BCL11B: variants seen among roughly 807,000 people sequenced by gnomAD.
BCL11B encodes the protein B-cell lymphoma/leukemia 11B.
A neutral mutation model predicts 49.9 loss-of-function variants in BCL11B; 8 were observed. That is an observed-to-expected ratio of 0.16 (90% confidence interval 0.09 to 0.29). The LOEUF (loss-of-function observed/expected upper bound fraction) is 0.29, where lower values mean the gene tolerates loss of function less well. Among genes scored for constraint, BCL11B ranks in the 10% least tolerant of loss-of-function variants. BCL11B has a pLI of 1.00. For missense variants in BCL11B, 1,006 were observed against 1,351.0 expected (o/e 0.74, Z 4.00); for synonymous variants, 739 against 637.4 (o/e 1.16, Z -2.40).
At chr14:99,261,593 T>A (rs1204023979) in intron 1 of BCL11B, among the ~76,000 whole-genome samples, 1 of 152,150 alleles carries the variant, frequency 6.6e-6, no homozygotes, top group African/African-American at 2.4e-5. Context: ...CATGCAGCCT[T>A]GTCCAGCAAA....
chr14:99,241,048 CAG>C lies in BCL11B; in HGVS notation c.428-9493_428-9492del, dbSNP rs1396090126. ...TTTTTTTCCTCAGCTGTCTTTGAAACAGAGCTGATGTGCTGGACCTCAGACAG... is the reference window on the plus strand; with the variant it reads ...TTTTTTTCCTCAGCTGTCTTTGAAACAGCTGATGTGCTGGACCTCAGACAG... On this transcript the variant is annotated intron_variant, in intron 2 of 3. Transcript: ENST00000357195. This position sits in a 1 kb window ranked among gnomAD's most constrained non-coding sequence, Gnocchi z 4.4. 1.3e-5 allele frequency among the ~76,000 whole-genome samples: 2 copies of C among 151,842 alleles called. No homozygotes were observed. The highest frequency in any genetic ancestry group is 2.9e-5 in the Non-Finnish European group (2 of 67,988).
Position 99,231,653 on chromosome 14 carries a change from A to G in BCL11B, c.428-96T>C, listed in dbSNP as rs536975439. ...GGGCTCGGGGCGTGGGGCTCTGCTC[A>G]GGCCACCCTTCGGGGGTGGGAGGCC... On this transcript the variant is annotated intron_variant, in intron 2 of 3. Transcript: ENST00000357195. The surrounding 1 kb of genome is among the most constrained non-coding windows in gnomAD (Gnocchi z 8.1). The G allele has an allele frequency of 0.014, 18,984 of 1,311,806 alleles. 280 individuals are homozygous for G. The highest frequency in any genetic ancestry group is 0.049 in the South Asian group (3,791 of 77,106). 81.3% of individuals were successfully genotyped at this position (1,311,806 alleles called of 1,614,324 possible).
chr14:99,175,247 G>T lies in BCL11B; in HGVS notation c.1589C>A (p.Pro530Gln). The change falls in exon 4 of 4, where the codon CCG (proline) becomes CAG (glutamine). Residue 530 changes from proline (P) to glutamine (Q), a missense_variant. Pro to Gln is a moderately conservative substitution (Grantham distance 76). Transcript: ENST00000357195. ...CTCCTCCTCCTCGTCCTCCTCCTCCGGCTCGTGGCCCAGCGACGGGTCGCT... is the reference window on the plus strand; with the variant it reads ...CTCCTCCTCCTCGTCCTCCTCCTCCTGCTCGTGGCCCAGCGACGGGTCGCT... ...HESDPSLGHEPEEEDEEEEEE... is the reference protein window; with the variant it reads ...HESDPSLGHEQEEEDEEEEEE... 1 of 1,545,952 alleles carries T rather than the reference G, an allele frequency of 6.5e-7. No homozygotes were observed.
intron 1 of BCL11B, among the ~76,000 whole-genome samples, chr14:99,260,615 A>C (rs369782246): frequency 6.6e-6 from 1 of 151,882 alleles, no homozygotes. Context: ...TTTTGCCAAG[A>C]CTATGTACCA....
At chr14:99,229,003 A>AATGGATGG (rs546394639) in intron 3 of BCL11B, among the ~76,000 whole-genome samples, 8,567 of 107,036 alleles carry the variant, frequency 0.08, 787 homozygotes, top group East Asian at 0.24. Context: ...TACATGGATG[A>AATGGATGG]ATGGATGGAT....
rs561642079 is a variant in BCL11B, at chr14:99,195,915, G to A, written c.641-19720C>T. Among the ~76,000 whole-genome samples, 8 of 152,202 alleles carry A rather than the reference G, an allele frequency of 5.3e-5. No individual in the cohort carries two copies. The highest frequency in any genetic ancestry group is 3.4e-3 in the Middle Eastern group (1 of 294). On this transcript the variant is annotated intron_variant, in intron 3 of 3. Coordinates refer to ENST00000357195, the MANE Select transcript of BCL11B (RefSeq NM_138576.4). The surrounding 1 kb of genome is among the most constrained non-coding windows in gnomAD (Gnocchi z 4.7). The stretch of plus-strand genomic sequence containing the variant: ...CTGCACCCGCCCCTTGTGTCTGCGC[G>A]GCACAGTGAGAACTGACATTTCTTC...
rs1366976852 is a variant in BCL11B, at chr14:99,184,599, G to A, written c.641-8404C>T. On this transcript the variant is annotated intron_variant, in intron 3 of 3. Transcript: ENST00000357195. The surrounding 1 kb of genome is among the most constrained non-coding windows in gnomAD (Gnocchi z 6.1). ...CCGGGTCCGTCTGACCCCAGAGCGT[G>A]TGCTGGGGTCCAGACTCACAACTGG... is the stretch of plus-strand genomic sequence containing the variant. 6.9e-6 allele frequency among the ~76,000 whole-genome samples: 1 copy of A among 145,656 alleles called. No individual in the cohort carries two copies. Among genetic ancestry groups the A allele is most frequent in the African/African-American group, 2.7e-5 (1 of 36,838 alleles).
At chr14:99,235,597 AG>A in intron 2 of BCL11B, among the ~76,000 whole-genome samples, 1 of 152,218 alleles carries the variant, frequency 6.6e-6, no homozygotes, top group East Asian at 1.9e-4. Context: ...TTCATCTCTG[AG>A]GCTCAAGTTT....
chr14:99,227,127 C>T (rs1595264067), intron 3 of BCL11B, among the ~76,000 whole-genome samples: 1 of 152,284 alleles, frequency 6.6e-6, no homozygotes, highest in East Asian at 1.9e-4. Context: ...AGTTCCTATT[C>T]CACCTCCCAA....
Position 99,172,966 on chromosome 14 carries a change from A to C in BCL11B, c.*1185T>G. On this transcript the variant is annotated 3_prime_UTR_variant, in exon 4 of 4. Coordinates refer to ENST00000357195, the MANE Select transcript of BCL11B (RefSeq NM_138576.4). The stretch of plus-strand genomic sequence containing the variant: ...TCCCCACCCCACCCATCCCTACAAT[A>C]TCATCAGTGTGCATTAAATGAGAGA... 1 of 226,540 alleles carries C rather than the reference A, an allele frequency of 4.4e-6. No homozygotes were observed. Among genetic ancestry groups the C allele is most frequent in the Non-Finnish European group, 8.8e-6 (1 of 113,904 alleles). The allele number at this position is 226,540 out of a possible 1,614,324, so 14.0% of individuals were successfully genotyped here.
rs1216159794 is a variant in BCL11B at position 99,172,191 on chromosome 14, T to C, written c.*1960A>G. ...TGTTCCTGAATTGTTTTTGTTTTGC[T>C]TTTCATTCAACGATATCAACTTGTA... On this transcript the variant is annotated 3_prime_UTR_variant, in exon 4 of 4. Coordinates refer to ENST00000357195, the MANE Select transcript of BCL11B (RefSeq NM_138576.4). 4.5e-6 allele frequency: 1 copy of C among 223,964 alleles called. No homozygotes were observed. Among genetic ancestry groups the C allele is most frequent in the East Asian group, 6.5e-5 (1 of 15,410 alleles). The allele number at this position is 223,964 out of a possible 1,614,324, so 13.9% of individuals were successfully genotyped here. A position where few individuals can be genotyped will look rare whatever the true frequency, so the allele number is the denominator to read the frequency against.
rs141634134 is a variant in BCL11B, at chr14:99,211,023, A to C, written c.640+20322T>G. ...CTCTACCAATGACGACAATGATCAT[A>C]ATAATAAGATCAATAACAGCTCCCC... On this transcript the variant is annotated intron_variant, in intron 3 of 3. Transcript: ENST00000357195. Among the ~76,000 whole-genome samples, 672 of 152,276 alleles carry C rather than the reference A, an allele frequency of 4.4e-3. 6 individuals carry two copies. The highest frequency in any genetic ancestry group is 6.5e-3 in the Non-Finnish European group (439 of 68,034).
At chr14:99,215,341 A>C (rs963304275) in intron 3 of BCL11B, among the ~76,000 whole-genome samples, 4 of 152,248 alleles carry the variant, frequency 2.6e-5, no homozygotes, top group African/African-American at 4.8e-5. Context: ...GCTTTTAAAA[A>C]ATGTTTCGGA....
chr14:99,209,734 G>A (rs1240575056), intron 3 of BCL11B, among the ~76,000 whole-genome samples: 1 of 152,138 alleles, frequency 6.6e-6, no homozygotes, highest in African/African-American at 2.4e-5. Context: ...GCCCTGGAGT[G>A]GACCGGCCAG....
chr14:99,245,131 A>G (rs1199670170), intron 2 of BCL11B, among the ~76,000 whole-genome samples: 1 of 152,236 alleles, frequency 6.6e-6, no homozygotes, highest in Non-Finnish European at 1.5e-5. Context: ...CTGGGCGTCC[A>G]ACCACTGCTT....
chr14:99,210,371 T>C (rs1887652454), intron 3 of BCL11B, among the ~76,000 whole-genome samples: 1 of 152,056 alleles, frequency 6.6e-6, no homozygotes, highest in Non-Finnish European at 1.5e-5. Flanking sequence ...GAAGAAGAGT[T>C]GCCTGCAGCT....
At position 99,192,416 on chromosome 14, in the gene BCL11B, T is replaced by C. The variant is rs1887059196; in HGVS notation, c.641-16221A>G. Among the ~76,000 whole-genome samples, 1 of 152,144 alleles carries C rather than the reference T, an allele frequency of 6.6e-6. No individual in the cohort carries two copies. Reference sequence around the variant, plus strand: ...GCTCGCCACAATAGGGACTGTAAACTGGGGCTGGTGCTTTCAATCAAGAAA... The same window carrying C: ...GCTCGCCACAATAGGGACTGTAAACCGGGGCTGGTGCTTTCAATCAAGAAA... On this transcript the variant is annotated intron_variant, in intron 3 of 3. Coordinates refer to ENST00000357195, the MANE Select transcript of BCL11B (RefSeq NM_138576.4). The surrounding 1 kb of genome is among the most constrained non-coding windows in gnomAD (Gnocchi z 4.0).
intron 2 of BCL11B, among the ~76,000 whole-genome samples, chr14:99,252,220 TA>T (rs1037014692): frequency 6.6e-6 from 1 of 152,018 alleles, no homozygotes; most frequent in South Asian, 2.1e-4. Flanking sequence ...GATTTAATAA[TA>T]AAAAAAGATA....
At chr14:99,243,090 C>T (rs1888717215) in intron 2 of BCL11B, among the ~76,000 whole-genome samples, 1 of 152,126 alleles carries the variant, frequency 6.6e-6, no homozygotes, top group Admixed American at 6.5e-5. Context: ...GGCCTGAGAC[C>T]AAATATCAGG....
Sources: allele counts gnomAD v4.1 joint callset (sites outside exome capture counted in the v4.1 genomes callset), GRCh38; gene constraint gnomAD v4.1.1; non-coding constraint Gnocchi (gnomAD v3.1); transcripts MANE v1.5; gene names NCBI Gene and HGNC (gene_info 2026-07-23, HGNC 2026-07-21).